The following NNMT variants were observed in gnomAD, a reference collection of about 807,000 sequenced individuals.
The protein encoded by NNMT is nicotinamide N-methyltransferase.
NNMT carries 10 observed loss-of-function variants against 11.7 expected under a neutral mutation model. The observed-to-expected ratio is 0.85, with a 90% confidence interval of 0.53 to 1.45. The LOEUF (loss-of-function observed/expected upper bound fraction) is 1.45, where lower values mean the gene tolerates loss of function less well. NNMT is among the 40% of genes most tolerant of loss of function. NNMT has a pLI of 0.00. For synonymous variants in NNMT, 143 were observed against 133.8 expected (o/e 1.07, Z -0.48); for missense variants, 381 against 319.4 (o/e 1.19, Z -1.47).
chr11:114,291,334 T>G (rs1208075325), intron 2 of NNMT, among the ~76,000 whole-genome samples: 1 of 152,204 alleles, frequency 6.6e-6, no homozygotes, highest in Non-Finnish European at 1.5e-5. Context: ...TTGCACAATT[T>G]CTTTTAGCCT....
At position 114,273,767 on chromosome 11, in the gene NNMT, G is replaced by T. The variant is rs12287859; in HGVS notation, c.-130+10833G>T. On this transcript the variant is annotated intron_variant, in intron 2 of 4. Coordinates refer to the NNMT transcript ENST00000535401. Reference sequence around the variant, plus strand: ...AAGCAGGAGAATCACTTGAGCTCAGGAGTCGGAGGTTGCAGTGAGCTGAGA... The same window carrying T: ...AAGCAGGAGAATCACTTGAGCTCAGTAGTCGGAGGTTGCAGTGAGCTGAGA... Among the ~76,000 whole-genome samples, 339 of 152,274 alleles carry T rather than the reference G, an allele frequency of 2.2e-3. 3 individuals are homozygous for T. Among genetic ancestry groups the T allele is most frequent in the African/African-American group, 7.8e-3 (324 of 41,546 alleles).
At chr11:114,273,926 G>A (rs1382066866) in intron 2 of NNMT, among the ~76,000 whole-genome samples, 2 of 152,200 alleles carry the variant, frequency 1.3e-5, no homozygotes, top group Non-Finnish European at 1.5e-5. Flanking sequence ...AGGAAAGCCA[G>A]TGTCCTCATG....
chr11:114,301,398 T>C (rs895684898), intron 2 of NNMT, among the ~76,000 whole-genome samples: 2 of 152,110 alleles, frequency 1.3e-5, no homozygotes, highest in Non-Finnish European at 1.5e-5. Context: ...AATGAATAAA[T>C]AAACTGTGGT....
upstream of NNMT, among the ~76,000 whole-genome samples, chr11:114,293,894 T>C (rs1389714856): frequency 1.3e-5 from 2 of 152,128 alleles, no homozygotes; most frequent in Non-Finnish European, 2.9e-5. Flanking sequence ...TAAGTGTCCA[T>C]TAGCAGATGA....
intron 2 of NNMT, among the ~76,000 whole-genome samples, chr11:114,310,682 T>G (rs1473895494): frequency 6.6e-6 from 1 of 152,224 alleles, no homozygotes; most frequent in Non-Finnish European, 1.5e-5. Context: ...GTGTGTTTCC[T>G]GAGTGTGAGA....
At chr11:114,277,926 G>C (rs1481188386) in intron 2 of NNMT, among the ~76,000 whole-genome samples, 1 of 152,184 alleles carries the variant, frequency 6.6e-6, no homozygotes, top group Non-Finnish European at 1.5e-5. Flanking sequence ...ACCACATTCT[G>C]CCTCATGCAC....
chr11:114,258,501 G>A (rs1945048952), intron 1 of NNMT, among the ~76,000 whole-genome samples: 2 of 152,270 alleles, frequency 1.3e-5, no homozygotes, highest in Non-Finnish European at 1.5e-5. Flanking sequence ...CCATGTGGGA[G>A]CCCCTCACGC....
rs1284709052 is a variant in NNMT, at chr11:114,296,617, C to G, written c.61C>G (p.Leu21Val). 4 of 1,614,164 alleles carry G rather than the reference C, an allele frequency of 2.5e-6. No homozygotes were observed. Among genetic ancestry groups the G allele is most frequent in the Non-Finnish European group, 1.7e-6 (2 of 1,180,036 alleles). The change falls in exon 1 of 3, where the codon CTA becomes GTA. Residue 21 changes from leucine (L) to valine (V), a missense_variant. Physicochemically the swap from Leu to Val is conservative, Grantham distance 32 (BLOSUM62 1). Transcript: ENST00000299964. ...YLSHFNPRDY[L>V]EKYYKFGSRH... ...AAGCCATTTTAACCCTCGGGATTAC[C>G]TAGAAAAATATTACAAGTTTGGTTC...
At chr11:114,308,231 C>T (rs539218894) in intron 2 of NNMT, among the ~76,000 whole-genome samples, 7 of 152,254 alleles carry the variant, frequency 4.6e-5, no homozygotes, top group African/African-American at 1.4e-4. Context: ...GTTCCTTGCC[C>T]GTACAATTCT....
chr11:114,268,328 A>T (rs746177781), intron 2 of NNMT, among the ~76,000 whole-genome samples: 8 of 152,170 alleles, frequency 5.3e-5, no homozygotes, highest in Non-Finnish European at 1.2e-4. Flanking sequence ...AGCTAGGCAG[A>T]ACATCTGTAC....
At chr11:114,269,437 T>C (rs1945152243) in intron 2 of NNMT, 1 of 152,188 alleles carries the variant, frequency 6.6e-6, no homozygotes, top group Non-Finnish European at 1.5e-5. Context: ...ATTTCCCTAG[T>C]TTTTGCCTTC....
intron 2 of NNMT, among the ~76,000 whole-genome samples, chr11:114,265,903 T>A (rs1369960844): frequency 6.6e-6 from 1 of 152,142 alleles, no homozygotes. Flanking sequence ...TACCTTGGGG[T>A]CATCTGCGAG....
intron 2 of NNMT, among the ~76,000 whole-genome samples, chr11:114,311,472 A>T (rs552770806): frequency 1.3e-5 from 2 of 152,230 alleles, no homozygotes; most frequent in Non-Finnish European, 2.9e-5. Flanking sequence ...AGAATGGGAA[A>T]TGTAGCTTTC....
intron 2 of NNMT, among the ~76,000 whole-genome samples, chr11:114,277,625 A>G (rs1408215534): frequency 1.3e-5 from 2 of 152,328 alleles, no homozygotes; most frequent in Admixed American, 1.3e-4. Flanking sequence ...GAGAAGAAAT[A>G]ACATACTATG....
chr11:114,265,764 C>CA (rs1311145020), intron 2 of NNMT, among the ~76,000 whole-genome samples: 1 of 152,130 alleles, frequency 6.6e-6, no homozygotes, highest in Non-Finnish European at 1.5e-5. Flanking sequence ...TATTTGCTTC[C>CA]AATCGATTTC....
rs556938324 is a variant in NNMT, at chr11:114,264,762, A to G, written c.-130+1828A>G. ...CCTCATTGGGTTTGATTAATTTGCT[A>G]GAGTGGTTCACTGAACTTAGGGAAA... On this transcript the variant is annotated intron_variant, in intron 2 of 4. Transcript: ENST00000535401. Among the ~76,000 whole-genome samples, 10 of 152,356 alleles carry G rather than the reference A, an allele frequency of 6.6e-5. No homozygotes were observed. The South Asian group carries it at 1.2e-3, about 19-fold the overall frequency.
At chr11:114,258,494 T>C (rs1945048890) in intron 1 of NNMT, among the ~76,000 whole-genome samples, 1 of 152,200 alleles carries the variant, frequency 6.6e-6, no homozygotes, top group Non-Finnish European at 1.5e-5. Context: ...GGCCTTCCCA[T>C]GTGGGAGCCC....
chr11:114,259,982 A>G (rs1945064026), intron 1 of NNMT, among the ~76,000 whole-genome samples: 1 of 152,192 alleles, frequency 6.6e-6, no homozygotes, highest in African/African-American at 2.4e-5. Flanking sequence ...GGGCCAGACA[A>G]CATGAGAAAT....
chr11:114,281,912 TC>T (rs1418606973), intron 2 of NNMT, among the ~76,000 whole-genome samples: 1 of 152,160 alleles, frequency 6.6e-6, no homozygotes. Flanking sequence ...AACAAGTGAC[TC>T]CTGTGCGAAC....
Sources: gnomAD v4.1 joint callset for allele counts (sites outside exome capture counted in the v4.1 genomes callset) on GRCh38, gnomAD v4.1.1 for gene constraint, MANE v1.5 for transcripts, NCBI Gene and HGNC (gene_info 2026-07-23, HGNC 2026-07-21) for gene names.